Variants in CDH13 observed in about 807,000 individuals in gnomAD.
CDH13 encodes the protein cadherin-13.
A neutral mutation model predicts 63.8 loss-of-function variants in CDH13; 24 were observed. The ratio of observed to expected loss-of-function variants is 0.38; its 90% CI spans 0.27 to 0.53. The LOEUF (loss-of-function observed/expected upper bound fraction) is 0.53, where lower values mean the gene tolerates loss of function less well. Ranked by LOEUF, CDH13 falls within the 20% of genes least tolerant of loss-of-function variation. The pLI, the probability that CDH13 is intolerant of heterozygous loss-of-function variation, is 0.85. For missense variants in CDH13, 1,049 were observed against 903.1 expected, an observed-to-expected ratio of 1.16 and a Z score of -2.07; for synonymous variants, 503 against 355.3, an observed-to-expected ratio of 1.42 and a Z score of -4.67.
intron 8 of CDH13, among the ~76,000 whole-genome samples, chr16:83,668,319 A>G (rs998560781): frequency 6.6e-6 from 1 of 152,216 alleles, no homozygotes; most frequent in African/African-American, 2.4e-5. Context: ...AGCCATGAAG[A>G]GACAGGTGCA....
At chr16:83,445,289 G>GCTTTTATAATTTATAATAGC (rs1208438269) in intron 6 of CDH13, among the ~76,000 whole-genome samples, 1 of 123,662 alleles carries the variant, frequency 8.1e-6, no homozygotes, top group Non-Finnish European at 1.8e-5. Context: ...TTTATAAAAG[G>GCTTTTATAATTTATAATAGC]TTTTATAAAT....
intron 1 of CDH13, among the ~76,000 whole-genome samples, chr16:82,673,441 T>A (rs938659896): frequency 6.6e-6 from 1 of 152,210 alleles, no homozygotes; most frequent in Admixed American, 6.5e-5. Context: ...TAAAATTTTT[T>A]GCACAACAAA....
At chr16:83,121,048 C>T (rs776080937) in intron 3 of CDH13, among the ~76,000 whole-genome samples, 18 of 152,130 alleles carry the variant, frequency 1.2e-4, no homozygotes, top group African/African-American at 2.7e-4. Flanking sequence ...AGGCGTGATC[C>T]GCTGCGCCCA....
chr16:82,915,270 T>G (rs921781176), intron 2 of CDH13, among the ~76,000 whole-genome samples: 1 of 152,228 alleles, frequency 6.6e-6, no homozygotes, highest in Non-Finnish European at 1.5e-5. Context: ...AAGAGTCTAA[T>G]GTAACAGGCT....
chr16:82,936,704 G>T (rs764180756), intron 2 of CDH13, among the ~76,000 whole-genome samples: 1 of 152,094 alleles, frequency 6.6e-6, no homozygotes, highest in Non-Finnish European at 1.5e-5. Context: ...TCCTACCTAC[G>T]GATGCCAATG....
intron 2 of CDH13, chr16:82,953,590 G>A (rs1266788335): frequency 6.6e-6 from 1 of 152,180 alleles, no homozygotes; most frequent in African/African-American, 2.4e-5. Context: ...CTGGTTGGCA[G>A]TTATATGTGC....
At chr16:83,462,402 G>C (rs1016485572) in intron 6 of CDH13, among the ~76,000 whole-genome samples, 2 of 152,188 alleles carry the variant, frequency 1.3e-5, no homozygotes, top group African/African-American at 4.8e-5. Flanking sequence ...TCAGTTTCTA[G>C]CTCTTTAAAC....
chr16:83,162,433 T>A (rs1163381693), intron 4 of CDH13, among the ~76,000 whole-genome samples: 2 of 152,096 alleles, frequency 1.3e-5, no homozygotes, highest in Non-Finnish European at 2.9e-5. Flanking sequence ...AAGTTCAGAG[T>A]TGTTGAGTGG....
At chr16:82,939,942 A>G (rs1286682178) in intron 2 of CDH13, among the ~76,000 whole-genome samples, 2 of 152,206 alleles carry the variant, frequency 1.3e-5, no homozygotes, top group Non-Finnish European at 2.9e-5. Flanking sequence ...AGCCCTCACA[A>G]TCATGGTGGA....
At chr16:82,729,112 T>G (rs925166746) in intron 1 of CDH13, among the ~76,000 whole-genome samples, 1 of 152,182 alleles carries the variant, frequency 6.6e-6, no homozygotes, top group African/African-American at 2.4e-5. Flanking sequence ...CTTCCTCTAC[T>G]GAAGTCATAA....
intron 5 of CDH13, 57 bp downstream of exon 5, chr16:83,217,554 G>A (rs1251176196): frequency 6.5e-7 from 1 of 1,547,266 alleles, no homozygotes; most frequent in Non-Finnish European, 8.8e-7. Flanking sequence ...TTCAAAGATT[G>A]TTTTCTTCCC....
intron 6 of CDH13, among the ~76,000 whole-genome samples, chr16:83,364,220 C>G (rs1199133898): frequency 2.0e-5 from 3 of 152,076 alleles, no homozygotes; most frequent in African/African-American, 7.2e-5. Context: ...CATAATAAGT[C>G]CACATACAAA....
chr16:82,878,313 T>G (rs1448959771), intron 2 of CDH13, among the ~76,000 whole-genome samples: 1 of 151,916 alleles, frequency 6.6e-6, no homozygotes, highest in Non-Finnish European at 1.5e-5. Context: ...AACCCTGGCT[T>G]TCAAGATTTT....
At chr16:83,161,564 T>A (rs2037443731) in intron 4 of CDH13, among the ~76,000 whole-genome samples, 1 of 152,142 alleles carries the variant, frequency 6.6e-6, no homozygotes, top group Non-Finnish European at 1.5e-5. Context: ...TTAAGCATTA[T>A]GTCTTTTTTT....
intron 12 of CDH13, among the ~76,000 whole-genome samples, chr16:83,782,603 G>A (rs549996512): frequency 6.6e-6 from 1 of 152,176 alleles, no homozygotes; most frequent in East Asian, 1.9e-4. Context: ...GGGCATGGTA[G>A]TGTGTGCCTG....
At chr16:83,785,671 AC>A (rs1299849486) in intron 13 of CDH13, among the ~76,000 whole-genome samples, 2 of 151,954 alleles carry the variant, frequency 1.3e-5, no homozygotes, top group Admixed American at 1.3e-4. Context: ...CCTGCAAGTC[AC>A]TCTTGCATAG....
At chr16:83,655,794 C>T (rs187331358) in intron 8 of CDH13, among the ~76,000 whole-genome samples, 83 of 152,220 alleles carry the variant, frequency 5.5e-4, no homozygotes, top group Admixed American at 1.5e-3. Context: ...ATCAATGAAT[C>T]ATGTTTAAAT....
At chr16:82,913,648 G>A (rs770533942) in intron 2 of CDH13, among the ~76,000 whole-genome samples, 9 of 152,174 alleles carry the variant, frequency 5.9e-5, no homozygotes, top group African/African-American at 1.4e-4. Context: ...GATCGCTGAC[G>A]AGAGAGCTGC....
intron 4 of CDH13, among the ~76,000 whole-genome samples, chr16:83,159,539 T>C (rs1185046541): frequency 6.6e-6 from 1 of 152,150 alleles, no homozygotes; most frequent in Admixed American, 6.5e-5. Context: ...GAAGTGAACA[T>C]TGATGCCTAA....
Sources: allele counts gnomAD v4.1 joint callset (sites outside exome capture counted in the v4.1 genomes callset), GRCh38; gene constraint gnomAD v4.1.1; transcripts MANE v1.5; gene names NCBI Gene and HGNC (gene_info 2026-07-23, HGNC 2026-07-21).